The following DNAH3 variants were observed in gnomAD, a reference collection of about 807,000 sequenced individuals.
The protein encoded by DNAH3 is dynein axonemal heavy chain 3, also known as axonemal beta dynein heavy chain 3.
Under a neutral mutation model 432.5 loss-of-function variants are expected in DNAH3, and 332 were observed. That is an observed-to-expected ratio of 0.77 (90% CI 0.70 to 0.84). The LOEUF (loss-of-function observed/expected upper bound fraction) is 0.84, where lower values mean the gene tolerates loss of function less well. Among genes scored for constraint, DNAH3 ranks in the 40% least tolerant of loss-of-function variants. The pLI is 0.00. For missense variants in DNAH3, 4,861 were observed against 5,114.0 expected (o/e 0.95, Z 1.51); for synonymous variants, 1,956 against 1,900.2 (o/e 1.03, Z -0.76).
At chr16:20,944,854 G>A (rs1283508856) in intron 57 of DNAH3, among the ~76,000 whole-genome samples, 191 bp from the exon 58 acceptor site, 2 of 151,972 alleles carry the variant, frequency 1.3e-5, no homozygotes, top group Non-Finnish European at 2.9e-5. Flanking sequence ...TGGGGAGTGG[G>A]CATGAAAGCA....
chr16:20,965,985 T>C (rs1265340874), intron 52 of DNAH3, among the ~76,000 whole-genome samples: 2 of 144,396 alleles, frequency 1.4e-5, no homozygotes, highest in African/African-American at 5.2e-5. Flanking sequence ...ATTGCTAAGA[T>C]TCCAGGCCTG....
intron 52 of DNAH3, among the ~76,000 whole-genome samples, chr16:20,967,777 G>C (rs967836896): frequency 6.6e-6 from 1 of 151,712 alleles, no homozygotes; most frequent in Non-Finnish European, 1.5e-5. Context: ...CAAAGTGCTG[G>C]GATTACAGGA....
At chr16:21,057,408 C>G (rs568480993) in intron 27 of DNAH3, among the ~76,000 whole-genome samples, 1 of 152,102 alleles carries the variant, frequency 6.6e-6, no homozygotes, top group Non-Finnish European at 1.5e-5. Flanking sequence ...GTCTAAGTAC[C>G]GAATCATTTA....
intron 60 of DNAH3, 77 bp from the exon 61 acceptor site, chr16:20,935,562 A>C (rs2083556838): frequency 1.3e-6 from 2 of 1,482,696 alleles, no homozygotes; most frequent in Non-Finnish European, 9.1e-7. Context: ...TGTAACGAGT[A>C]CCATATAAAA....
rs1182641213 is a variant in DNAH3, at chr16:21,075,519, CAG to C, written c.3010_3011del (p.Leu1004GlyfsTer6). Reference sequence around the variant, plus strand: ...ACTTCATTCTATCCAAGTTTTTCTCCAGAGAGTATTCCTTGCTGGCAGCTGCA... The same window carrying C: ...ACTTCATTCTATCCAAGTTTTTCTCCAGAGTATTCCTTGCTGGCAGCTGCA... On this transcript the variant is annotated frameshift_variant, in exon 21 of 62. Coordinates refer to ENST00000261383, the Ensembl canonical transcript of DNAH3. LOFTEE classifies it high-confidence loss of function. The C allele has an allele frequency of 1.9e-6, 3 of 1,613,894 alleles. No individual in the cohort carries two copies. Among genetic ancestry groups the C allele is most frequent in the Non-Finnish European group, 2.5e-6 (3 of 1,179,994 alleles).
At chr16:20,971,467 C>T (rs2085339573) in intron 51 of DNAH3, among the ~76,000 whole-genome samples, 1 of 152,096 alleles carries the variant, frequency 6.6e-6, no homozygotes, top group Non-Finnish European at 1.5e-5. Context: ...TTCCGGTCCA[C>T]AAAAAAGCCT....
exon 53 of DNAH3, chr16:20,964,194 C>T: frequency 6.2e-7 from 1 of 1,614,130 alleles, no homozygotes; most frequent in Non-Finnish European, 8.5e-7. Flanking sequence ...GCTTCTTGTT[C>T]TTGGCACTTT....
chr16:21,142,596 A>G lies in DNAH3; in HGVS notation c.449-1224T>C, dbSNP rs773088381. On this transcript the variant is annotated intron_variant, in intron 3 of 61. Coordinates refer to ENST00000261383, the Ensembl canonical transcript of DNAH3. ...CAACTTTAATTAGATATTACTTCCT[A>G]AAGTGTCTATCTTTGAACTTCTCAA... 2.0e-5 allele frequency among the ~76,000 whole-genome samples: 3 copies of G among 152,308 alleles called. No homozygotes were observed. The East Asian group carries it at 5.8e-4, about 29-fold the overall frequency.
rs2088411861 is a variant in DNAH3, at chr16:21,024,159, C to T, written c.5646+437G>A. ...GCAGTGAAAGCACTTCTAACTGGTTCCAGCTCCCTCAAGGTGGGAGGTGCA... is the reference window on the plus strand; with the variant it reads ...GCAGTGAAAGCACTTCTAACTGGTTTCAGCTCCCTCAAGGTGGGAGGTGCA... On this transcript the variant is annotated intron_variant, in intron 39 of 61. Transcript: ENST00000261383. 2.6e-5 allele frequency among the ~76,000 whole-genome samples: 4 copies of T among 152,102 alleles called. No homozygotes were observed. In the South Asian group the frequency reaches 8.3e-4, roughly 32 times the overall value.
chr16:21,143,530 G>A (rs4783382), intron 3 of DNAH3, among the ~76,000 whole-genome samples: 30,735 of 152,056 alleles, frequency 0.2, 3,178 homozygotes, highest in South Asian at 0.25. Context: ...TAGTTTATAA[G>A]CCACTCAGTT....
intron 53 of DNAH3, among the ~76,000 whole-genome samples, chr16:20,961,391 T>TTGG (rs1246250208): frequency 6.6e-6 from 1 of 152,074 alleles, no homozygotes; most frequent in African/African-American, 2.4e-5. Flanking sequence ...ATACACCTAA[T>TTGG]GTAAATGATG....
intron 41 of DNAH3, among the ~76,000 whole-genome samples, chr16:21,007,722 C>T (rs1308389067): frequency 6.6e-6 from 1 of 152,062 alleles, no homozygotes; most frequent in African/African-American, 2.4e-5. Context: ...GTTCAGTTTA[C>T]CTATTTTTTC....
chr16:20,984,204 C>T (rs533097977), intron 48 of DNAH3, among the ~76,000 whole-genome samples: 1 of 150,348 alleles, frequency 6.7e-6, no homozygotes, highest in African/African-American at 2.5e-5. Flanking sequence ...TGTGCGCATG[C>T]GTGCGTGTGT....
chr16:20,987,148 A>G (rs2086236412), intron 47 of DNAH3, among the ~76,000 whole-genome samples, 157 bp downstream of exon 47: 1 of 152,242 alleles, frequency 6.6e-6, no homozygotes, highest in Non-Finnish European at 1.5e-5. Flanking sequence ...GTAAAATATC[A>G]CCAAGTCAAA....
At position 20,944,477 on chromosome 16, in the gene DNAH3, C is replaced by T; in HGVS notation, c.11511+19G>A. The T allele has an allele frequency of 1.2e-6, 2 of 1,613,550 alleles. No individual in the cohort carries two copies. The highest frequency in any genetic ancestry group is 1.7e-6 in the Non-Finnish European group (2 of 1,179,620). On this transcript the variant is annotated intron_variant, in intron 58 of 61. Transcript: ENST00000261383. ...TGCCTGGGAAATAGGATTAAGCCCC[C>T]TTTCCCGAGCCCAGTTACCTGAGGG...
At chr16:21,155,202 C>T (rs548609579) in intron 1 of DNAH3, among the ~76,000 whole-genome samples, 4 of 152,066 alleles carry the variant, frequency 2.6e-5, no homozygotes, top group South Asian at 2.1e-4. Context: ...TGCCCACCTC[C>T]GCCTCCCAAA....
At chr16:21,147,889 C>T (rs1156894391) in intron 1 of DNAH3, among the ~76,000 whole-genome samples, 2 of 152,202 alleles carry the variant, frequency 1.3e-5, no homozygotes, top group African/African-American at 4.8e-5. Context: ...GGAGAAACTG[C>T]AACTTGTTCC....
chr16:21,033,010 G>A (rs1037791577), intron 36 of DNAH3, among the ~76,000 whole-genome samples: 2 of 151,960 alleles, frequency 1.3e-5, no homozygotes, highest in East Asian at 3.9e-4. Context: ...CACCCAGGCT[G>A]CAATTGCAGT....
At chr16:21,100,560 A>C (rs1163021154) in intron 16 of DNAH3, among the ~76,000 whole-genome samples, 1 of 152,212 alleles carries the variant, frequency 6.6e-6, no homozygotes, top group African/African-American at 2.4e-5. Flanking sequence ...GGTGAAACAC[A>C]ATGTCGGGTG....
Sources: gnomAD v4.1 joint callset for allele counts (sites outside exome capture counted in the v4.1 genomes callset) on GRCh38, gnomAD v4.1.1 for gene constraint, MANE v1.5 for transcripts, NCBI Gene and HGNC (gene_info 2026-07-23, HGNC 2026-07-21) for gene names.